Variants in PRKAG2 observed in about 807,000 individuals in gnomAD.
PRKAG2 encodes protein kinase AMP-activated non-catalytic subunit gamma 2.
A neutral mutation model predicts 69.6 loss-of-function variants in PRKAG2; 26 were observed. The observed-to-expected ratio is 0.37, with a 90% CI of 0.27 to 0.52. The LOEUF (loss-of-function observed/expected upper bound fraction) is 0.52. Among genes scored for constraint, PRKAG2 ranks in the 20% least tolerant of loss-of-function variants. PRKAG2 has a pLI of 0.90. For missense variants in PRKAG2, 557 were observed against 740.0 expected, an observed-to-expected ratio of 0.75 and a Z score of 2.87; for synonymous variants, 293 against 285.0, an observed-to-expected ratio of 1.03 and a Z score of -0.28.
intron 5 of PRKAG2, among the ~76,000 whole-genome samples, chr7:151,623,979 TA>T (rs1412980610): frequency 1.3e-5 from 2 of 152,102 alleles, no homozygotes; most frequent in African/African-American, 4.8e-5. Context: ...AAATGATTCA[TA>T]AAATAACAAC....
intron 3 of PRKAG2, chr7:151,736,281 G>A (rs1173640287): frequency 8.6e-6 from 11 of 1,275,656 alleles, no homozygotes; most frequent in South Asian, 4.4e-5. Context: ...GCGTCAGCCC[G>A]GCTGTCCTTA....
At chr7:151,657,720 A>T (rs1029327566) in intron 4 of PRKAG2, among the ~76,000 whole-genome samples, 1 of 152,238 alleles carries the variant, frequency 6.6e-6, no homozygotes, top group Non-Finnish European at 1.5e-5. Flanking sequence ...CTACCTTCAT[A>T]GTCTAGACAC....
intron 4 of PRKAG2, among the ~76,000 whole-genome samples, chr7:151,648,046 G>T (rs993332263): frequency 6.6e-6 from 1 of 152,088 alleles, no homozygotes; most frequent in Non-Finnish European, 1.5e-5. Context: ...TTAAACTTCA[G>T]CTATTACAAG....
chr7:151,828,291 A>C lies in PRKAG2; in HGVS notation c.115-41750T>G, dbSNP rs1460219697. ...GGGTTTTCAGAGAGTCCTGTAATGG[A>C]TATCAAATCCTAGCCCAACAAGGGG... On this transcript the variant is annotated intron_variant, in intron 1 of 15. Transcript: ENST00000287878. This position sits in a 1 kb window ranked among gnomAD's most constrained non-coding sequence, Gnocchi z 4.6. 6.6e-6 allele frequency among the ~76,000 whole-genome samples: 1 copy of C among 152,190 alleles called. No homozygotes were observed. The highest frequency in any genetic ancestry group is 1.5e-5 in the Non-Finnish European group (1 of 68,024).
chr7:151,604,184 G>A (rs143018058), intron 5 of PRKAG2, among the ~76,000 whole-genome samples: 32 of 152,338 alleles, frequency 2.1e-4, no homozygotes, highest in Middle Eastern at 3.4e-3. Flanking sequence ...TGCTCCCTGC[G>A]TGGGCTTCCT....
chr7:151,709,700 CT>C (rs753271837), intron 3 of PRKAG2, among the ~76,000 whole-genome samples: 3 of 151,744 alleles, frequency 2.0e-5, no homozygotes, highest in Non-Finnish European at 4.4e-5. Context: ...ACACATAACA[CT>C]GACACTGACA....
At chr7:151,809,192 A>G (rs1167386492) in intron 1 of PRKAG2, 4 of 455,770 alleles carry the variant, frequency 8.8e-6, no homozygotes, top group Non-Finnish European at 1.8e-5. Context: ...ACTAAGGGCA[A>G]ATCCCAAGAG....
chr7:151,806,784 G>T, intron 1 of PRKAG2: 1 of 346,930 alleles, frequency 2.9e-6, no homozygotes, highest in South Asian at 2.2e-5. Context: ...TGGGCAACAT[G>T]GCAAAACCCT....
chr7:151,654,836 G>T (rs1829153475), intron 4 of PRKAG2, among the ~76,000 whole-genome samples: 1 of 152,194 alleles, frequency 6.6e-6, no homozygotes, highest in Non-Finnish European at 1.5e-5. Flanking sequence ...GGGGCTACAG[G>T]CATGTGCCAC....
intron 1 of PRKAG2, among the ~76,000 whole-genome samples, chr7:151,840,928 G>A (rs2079261672): frequency 6.6e-6 from 1 of 152,202 alleles, no homozygotes; most frequent in Non-Finnish European, 1.5e-5. Flanking sequence ...GAGCCCAGGT[G>A]TTCAAGTCCA....
chr7:151,845,058 G>A (rs2079399067), intron 1 of PRKAG2, among the ~76,000 whole-genome samples: 1 of 151,560 alleles, frequency 6.6e-6, no homozygotes, highest in Non-Finnish European at 1.5e-5. Flanking sequence ...AGGGTGCTGG[G>A]AGACATCTGT....
intron 1 of PRKAG2, among the ~76,000 whole-genome samples, chr7:151,790,168 T>C (rs2077208607): frequency 6.6e-6 from 1 of 152,098 alleles, no homozygotes; most frequent in Non-Finnish European, 1.5e-5. Flanking sequence ...AATGCAGGAA[T>C]CACCCTGGTG....
chr7:151,582,205 A>G (rs568586366), intron 6 of PRKAG2, among the ~76,000 whole-genome samples: 14 of 152,318 alleles, frequency 9.2e-5, no homozygotes, highest in African/African-American at 3.4e-4. Flanking sequence ...GCTGGAGTGC[A>G]GTGGCAGGAA....
chr7:151,597,881 A>AT (rs1009011363), intron 5 of PRKAG2, among the ~76,000 whole-genome samples: 23 of 140,218 alleles, frequency 1.6e-4, no homozygotes, highest in African/African-American at 4.8e-4. Context: ...TAGTAGAGCC[A>AT]TTATAGAAAA....
chr7:151,597,700 C>T (rs1300113343), intron 5 of PRKAG2, among the ~76,000 whole-genome samples: 1 of 151,972 alleles, frequency 6.6e-6, no homozygotes, highest in Admixed American at 6.6e-5. Flanking sequence ...TCGCTAGTCA[C>T]TGGAGAAATG....
At chr7:151,693,470 C>T (rs757687286) in intron 3 of PRKAG2, among the ~76,000 whole-genome samples, 15 of 152,290 alleles carry the variant, frequency 9.8e-5, no homozygotes, top group Middle Eastern at 3.4e-3. Flanking sequence ...GCTAGGCCCA[C>T]GAGAGGGTTC....
intron 14 of PRKAG2, among the ~76,000 whole-genome samples, chr7:151,563,209 T>A (rs1455457521): frequency 3.3e-5 from 5 of 152,306 alleles, no homozygotes; most frequent in African/African-American, 1.2e-4. Context: ...CCTAGCTACA[T>A]TAAAGCTAAA....
In PRKAG2 at chr7:151,700,947, C is replaced by T. The variant is rs561781933; in HGVS notation, c.467-25310G>A. ...CAGGGATCACACAGGATGTCCCAGG[C>T]ATTTCCACACAGGCGAGACCACAGA... is the stretch of plus-strand genomic sequence containing the variant. On this transcript the variant is annotated intron_variant, in intron 3 of 15. Coordinates refer to ENST00000287878, the MANE Select transcript of PRKAG2 (RefSeq NM_016203.4). Among the ~76,000 whole-genome samples, 11 of 152,324 alleles carry T rather than the reference C, an allele frequency of 7.2e-5. No individual in the cohort carries two copies. The East Asian group carries it at 1.9e-3, about 27-fold the overall frequency.
chr7:151,587,806 A>T lies in PRKAG2; in HGVS notation c.864+7539T>A, dbSNP rs112568594. Among the ~76,000 whole-genome samples the T allele has an allele frequency of 8.8e-3, 1,341 of 152,272 alleles. 28 individuals carry two copies. The highest frequency in any genetic ancestry group is 0.031 in the African/African-American group (1,281 of 41,544). The stretch of plus-strand genomic sequence containing the variant: ...GGGGTAACCTAGATGGGATCCTCCA[A>T]CAGAAAACGGCATTATGCAAAAACT... On this transcript the variant is annotated intron_variant, in intron 6 of 15. Transcript: ENST00000287878.
Sources: gnomAD v4.1 joint callset for allele counts (sites outside exome capture counted in the v4.1 genomes callset) on GRCh38, gnomAD v4.1.1 for gene constraint, Gnocchi (gnomAD v3.1) non-coding constraint, MANE v1.5 for transcripts, NCBI Gene and HGNC (gene_info 2026-07-23, HGNC 2026-07-21) for gene names.